Variants in RELB observed in about 807,000 individuals in gnomAD.
The protein encoded by RELB is RELB proto-oncogene, NF-kB subunit, also known as transcription factor RelB.
In RELB, 14 loss-of-function variants were observed where a neutral mutation model predicts 55.4. The ratio of observed to expected loss-of-function variants is 0.25; its 90% CI spans 0.17 to 0.40. RELB has a LOEUF of 0.40. Ranked by LOEUF, RELB falls within the 10% of genes least tolerant of loss-of-function variation. RELB has a pLI of 1.00. For missense variants in RELB, 669 were observed against 830.7 expected, an observed-to-expected ratio of 0.81 and a Z score of 2.39; for synonymous variants, 409 against 371.3, an observed-to-expected ratio of 1.10 and a Z score of -1.17.
intron 4 of RELB, among the ~76,000 whole-genome samples, chr19:45,015,294 A>G (rs1971408895): frequency 1.3e-5 from 2 of 152,338 alleles, no homozygotes; most frequent in Admixed American, 6.5e-5. Context: ...CAAGTTTACT[A>G]TTGTAATTAC....
chr19:45,021,933 C>T (rs1971493803), intron 4 of RELB, 120 bp from the exon 5 acceptor site: 2 of 1,001,218 alleles, frequency 2.0e-6, no homozygotes, highest in African/African-American at 1.7e-5. Context: ...GGTTGGGGAG[C>T]TCCCAACAGA....
At chr19:45,003,636 G>C (rs1168652625) in intron 2 of RELB, 4 of 515,822 alleles carry the variant, frequency 7.8e-6, no homozygotes, top group Non-Finnish European at 1.5e-5. Context: ...GCCCCTCCCT[G>C]TGTGAATGTC....
At chr19:45,022,318 C>T (rs1971499758) in intron 5 of RELB, 108 bp downstream of exon 5, 1 of 1,098,994 alleles carries the variant, frequency 9.1e-7, no homozygotes, top group Admixed American at 2.3e-5. Context: ...GTAAACCCTC[C>T]CCACTGCCTC....
At chr19:45,029,885 G>C (rs1341379888) in intron 8 of RELB, among the ~76,000 whole-genome samples, 10 of 151,862 alleles carry the variant, frequency 6.6e-5, no homozygotes, top group Non-Finnish European at 1.0e-4. Flanking sequence ...GAAAAAGACA[G>C]CTGGGCACAG....
Position 45,032,539 on chromosome 19 carries a change from A to G in RELB, c.997A>G (p.Ile333Val). ...TGTCCCCCGTTTCCTGCCAGAGGAC[A>G]TATCAGTGGTGTTCAGCAGGGCCTC... is the stretch of plus-strand genomic sequence containing the variant. ...LLCDKVQKED[I>V]SVVFSRASWE... The change falls in exon 9 of 12, where the codon ATA (isoleucine) becomes GTA (valine). Residue 333 changes from isoleucine to valine, a missense_variant. This residue lies in a region of RELB where 341 missense variants were observed against 436.8 expected (regional missense o/e 0.78). Coordinates refer to ENST00000221452, the MANE Select transcript of RELB (RefSeq NM_006509.4). 6.2e-7 allele frequency: 1 copy of G among 1,612,070 alleles called. No individual in the cohort carries two copies. The highest frequency in any genetic ancestry group is 8.5e-7 in the Non-Finnish European group (1 of 1,179,200).
intron 3 of RELB, among the ~76,000 whole-genome samples, chr19:45,010,990 G>A (rs1000441941): frequency 2.0e-5 from 3 of 152,110 alleles, no homozygotes; most frequent in Non-Finnish European, 4.4e-5. Context: ...CGAGTAGCTG[G>A]AACTGCAGGC....
chr19:45,006,685 G>C (rs1971286096), intron 2 of RELB, among the ~76,000 whole-genome samples: 1 of 151,974 alleles, frequency 6.6e-6, no homozygotes. Flanking sequence ...AACAGGCTGG[G>C]TGTGGTGGCT....
intron 8 of RELB, among the ~76,000 whole-genome samples, chr19:45,031,496 T>C (rs1971620386): frequency 6.6e-6 from 1 of 152,146 alleles, no homozygotes; most frequent in African/African-American, 2.4e-5. Flanking sequence ...TGAGTATGAC[T>C]GTATGCTGTC....
chr19:45,009,904 T>TG, intron 3 of RELB, 82 bp downstream of exon 3: 7 of 1,166,422 alleles, frequency 6.0e-6, no homozygotes, highest in Non-Finnish European at 7.5e-6. Flanking sequence ...CCTTGTTCAG[T>TG]GGGGGTGGGG....
chr19:45,028,308 T>C (rs916113181), intron 7 of RELB, among the ~76,000 whole-genome samples: 3 of 151,870 alleles, frequency 2.0e-5, no homozygotes, highest in Non-Finnish European at 4.4e-5. Context: ...AGGTGTGAGC[T>C]ACCTTGCCTA....
intron 4 of RELB, among the ~76,000 whole-genome samples, chr19:45,018,745 C>T (rs975933141): frequency 3.1e-4 from 47 of 150,712 alleles, no homozygotes; most frequent in African/African-American, 1.1e-3. Context: ...GGCGCGATCT[C>T]GGCTCACTGC....
At chr19:45,014,084 G>T (rs1356250517) in intron 4 of RELB, among the ~76,000 whole-genome samples, 1 of 151,254 alleles carries the variant, frequency 6.6e-6, no homozygotes, top group Admixed American at 6.6e-5. Context: ...CCTTTGTAAT[G>T]AATTGGTAAG....
At chr19:45,001,768 G>C (rs1600057756) in intron 1 of RELB, 83 bp downstream of exon 1, 1 of 843,332 alleles carries the variant, frequency 1.2e-6, no homozygotes, top group Admixed American at 2.8e-5. Context: ...GTAGTCTGGG[G>C]GTTCCTATGG....
rs190576922 is a variant in RELB at position 45,032,784 on chromosome 19, G to A, written c.1207+35G>A. The stretch of plus-strand genomic sequence containing the variant: ...GCAACCCAGGGTGACCCACCACCTC[G>A]GAGACTAGGTCTTTGGCCTTGGGGA... On this transcript the variant is annotated intron_variant, in intron 9 of 11. Coordinates refer to ENST00000221452, the MANE Select transcript of RELB (RefSeq NM_006509.4). 3.7e-5 allele frequency: 57 copies of A among 1,549,896 alleles called. No individual in the cohort carries two copies. In the African/African-American group the frequency reaches 4.2e-4, roughly 11 times the overall value.
intron 3 of RELB, 145 bp from the exon 4 acceptor site, chr19:45,011,791 T>TGAGAGAGAGAGAGA (rs1971356687): frequency 3.7e-6 from 1 of 267,262 alleles, no homozygotes; most frequent in African/African-American, 5.6e-5. Flanking sequence ...TGTGTGTGTG[T>TGAGAGAGAGAGAGA]GTGTGTGAGA....
chr19:45,036,838 C>G (rs1971691572), intron 11 of RELB, among the ~76,000 whole-genome samples: 1 of 152,146 alleles, frequency 6.6e-6, no homozygotes, highest in African/African-American at 2.4e-5. Flanking sequence ...ACCACCACAC[C>G]CAGCTAACTT....
chr19:45,019,755 G>A (rs1242417281), intron 4 of RELB, among the ~76,000 whole-genome samples: 1 of 152,056 alleles, frequency 6.6e-6, no homozygotes, highest in Non-Finnish European at 1.5e-5. Flanking sequence ...TGGGCCCACC[G>A]CAACCTCCAT....
chr19:45,030,490 G>A (rs901829171), intron 8 of RELB, among the ~76,000 whole-genome samples: 2 of 152,040 alleles, frequency 1.3e-5, no homozygotes, highest in African/African-American at 2.4e-5. Context: ...AAATTAGCTG[G>A]GTGTGGTGGA....
chr19:45,008,125 G>T (rs1290087275), intron 2 of RELB, among the ~76,000 whole-genome samples: 2 of 149,568 alleles, frequency 1.3e-5, no homozygotes, highest in African/African-American at 2.5e-5. Flanking sequence ...AGCCAAGATT[G>T]TGCCACTGCA....
Sources: allele counts gnomAD v4.1 joint callset (sites outside exome capture counted in the v4.1 genomes callset), GRCh38; gene constraint gnomAD v4.1.1; regional missense constraint gnomAD v4.1.1; transcripts MANE v1.5; gene names NCBI Gene and HGNC (gene_info 2026-07-23, HGNC 2026-07-21).